FCHO2: variants seen among roughly 807,000 people sequenced by gnomAD.
The protein encoded by FCHO2 is FCH and mu domain containing endocytic adaptor 2.
A neutral mutation model predicts 114.1 loss-of-function variants in FCHO2; 43 were observed. That is an observed-to-expected ratio of 0.38 (90% CI 0.30 to 0.49). The LOEUF is 0.49. Ranked by LOEUF, FCHO2 falls within the 20% of genes least tolerant of loss-of-function variation. The pLI is 0.97. For synonymous variants in FCHO2, 293 were observed against 315.2 expected (o/e 0.93, Z 0.75); for missense variants, 807 against 950.4 (o/e 0.85, Z 1.98).
At chr5:73,002,369 A>G (rs1187021690) in intron 5 of FCHO2, among the ~76,000 whole-genome samples, 1 of 152,128 alleles carries the variant, frequency 6.6e-6, no homozygotes, top group African/African-American at 2.4e-5. Flanking sequence ...TTATAAAATA[A>G]TTTCTTTGTT....
chr5:72,993,497 G>A (rs1280605665), intron 5 of FCHO2, among the ~76,000 whole-genome samples: 1 of 152,116 alleles, frequency 6.6e-6, no homozygotes, highest in African/African-American at 2.4e-5. Flanking sequence ...CCCTCATATT[G>A]AAAGTACATT....
At chr5:73,015,340 G>C (rs1361999412) in intron 6 of FCHO2, among the ~76,000 whole-genome samples, 2 of 151,166 alleles carry the variant, frequency 1.3e-5, no homozygotes, top group African/African-American at 4.9e-5. Context: ...TGGGCTCACT[G>C]GAACCTCTGC....
chr5:72,992,811 G>A (rs574497160), intron 5 of FCHO2, among the ~76,000 whole-genome samples: 1 of 152,202 alleles, frequency 6.6e-6, no homozygotes, highest in South Asian at 2.1e-4. Context: ...GCCTTGGAGG[G>A]GTGGCAGGAG....
At chr5:73,022,960 T>G (rs1452418743) in intron 8 of FCHO2, among the ~76,000 whole-genome samples, 2 of 152,208 alleles carry the variant, frequency 1.3e-5, no homozygotes, top group African/African-American at 4.8e-5. Context: ...AACTTATTTT[T>G]TTTTTGTAGT....
At position 73,089,542 on chromosome 5, in the gene FCHO2, G is replaced by A. The variant is rs1348900751; in HGVS notation, c.*1452G>A. On this transcript the variant is annotated 3_prime_UTR_variant, in exon 26 of 26. Transcript: ENST00000430046. Reference sequence around the variant, plus strand: ...CTAAATAGTAAGAAACCTAACTTTAGTAGCAAATCTTGATTAATTGAAGAA... The same window carrying A: ...CTAAATAGTAAGAAACCTAACTTTAATAGCAAATCTTGATTAATTGAAGAA... The A allele has an allele frequency of 1.3e-5, 2 of 152,376 alleles. No homozygotes were observed. The highest frequency in any genetic ancestry group is 2.9e-5 in the Non-Finnish European group (2 of 67,904). The allele number at this position is 152,376 out of a possible 1,614,324, so 9.4% of individuals were successfully genotyped here. A position where few individuals can be genotyped will look rare whatever the true frequency, so the allele number is the denominator to read the frequency against.
In FCHO2 at chr5:73,051,397, A is replaced by G; in HGVS notation, c.988A>G (p.Asn330Asp). ...AGGCTACAGTATTAAACCAGAAACAAATCAGAATGATATCCTTTCATCATC... is the reference window on the plus strand; with the variant it reads ...AGGCTACAGTATTAAACCAGAAACAGATCAGAATGATATCCTTTCATCATC... ...EEGYSIKPET[N>D]QNDTKENHFY... The change falls in exon 12 of 26, where the codon AAT (asparagine) becomes GAT (aspartate). Residue 330 changes from asparagine (N) to aspartate (D), a missense_variant. Asn to Asp is a conservative substitution (Grantham distance 23). Coordinates refer to ENST00000430046, the MANE Select transcript of FCHO2 (RefSeq NM_138782.3). 1 of 1,526,572 alleles carries G rather than the reference A, an allele frequency of 6.6e-7. No individual in the cohort carries two copies. Among genetic ancestry groups the G allele is most frequent in the Non-Finnish European group, 8.9e-7 (1 of 1,127,058 alleles). 94.6% of individuals were successfully genotyped at this position (1,526,572 alleles called of 1,614,324 possible).
rs565201520 is a variant in FCHO2, at chr5:73,043,551, A to T, written c.939+2236A>T. Among the ~76,000 whole-genome samples, 41 of 152,272 alleles carry T rather than the reference A, an allele frequency of 2.7e-4. 1 individual carries two copies. In the South Asian group the frequency reaches 8.1e-3, roughly 30 times the overall value. On this transcript the variant is annotated intron_variant, in intron 11 of 25. Transcript: ENST00000430046. ...TATAGAAAGTGATAAATAGATATTT[A>T]TTTCAACATTGTTTATATTAGCAAA... is the stretch of plus-strand genomic sequence containing the variant.
At chr5:73,025,333 C>T (rs985416285) in intron 8 of FCHO2, among the ~76,000 whole-genome samples, 2 of 150,638 alleles carry the variant, frequency 1.3e-5, no homozygotes, top group Non-Finnish European at 2.9e-5. Context: ...CTCAGCCTCC[C>T]GAGTAGCTGG....
At position 73,051,396 on chromosome 5, in the gene FCHO2, A is replaced by G. The variant is rs7712838; in HGVS notation, c.987A>G (p.Thr329=). 455,331 of 1,512,444 alleles carry G rather than the reference A, an allele frequency of 0.3. 71,052 individuals carry two copies. The highest frequency in any genetic ancestry group is 0.41 in the East Asian group (16,690 of 40,250). The allele number at this position is 1,512,444 out of a possible 1,614,324, so 93.7% of individuals were successfully genotyped here. ...DEEGYSIKPE[T]NQNDTKENHF... Reference sequence around the variant, plus strand: ...AAGGCTACAGTATTAAACCAGAAACAAATCAGAATGATATCCTTTCATCAT... The same window carrying G: ...AAGGCTACAGTATTAAACCAGAAACGAATCAGAATGATATCCTTTCATCAT... Residue 329 remains threonine, a synonymous_variant, in exon 12 of 26, where the codon ACA becomes ACG. Transcript: ENST00000430046.
chr5:73,002,849 G>A (rs1754517610), intron 5 of FCHO2, among the ~76,000 whole-genome samples: 1 of 152,050 alleles, frequency 6.6e-6, no homozygotes, highest in Admixed American at 6.6e-5. Flanking sequence ...TTAGAGAGAG[G>A]GTTGAATGGT....
At chr5:73,083,457 T>C (rs1743190218) in intron 24 of FCHO2, among the ~76,000 whole-genome samples, 1 of 152,220 alleles carries the variant, frequency 6.6e-6, no homozygotes, top group Non-Finnish European at 1.5e-5. Context: ...CTATACCTAG[T>C]AAATTTAAAG....
At chr5:72,963,643 G>C (rs866190515) in intron 1 of FCHO2, among the ~76,000 whole-genome samples, 4 of 152,028 alleles carry the variant, frequency 2.6e-5, no homozygotes, top group Admixed American at 1.3e-4. Flanking sequence ...TGAACTCCTG[G>C]GCTCCAGGGA....
At chr5:73,009,737 A>G (rs1318344118) in intron 6 of FCHO2, among the ~76,000 whole-genome samples, 1 of 152,198 alleles carries the variant, frequency 6.6e-6, no homozygotes, top group Non-Finnish European at 1.5e-5. Context: ...GGGTTTCACC[A>G]TGTTGCCCAG....
In FCHO2 at chr5:73,058,450, T is replaced by C; in HGVS notation, c.1271T>C (p.Leu424Ser). The C allele has an allele frequency of 6.4e-7, 1 of 1,566,186 alleles. No homozygotes were observed. The highest frequency in any genetic ancestry group is 8.7e-7 in the Non-Finnish European group (1 of 1,154,648). ...APPNEKGTSD[L>S]LAWDPLFGPS... ...TATGGTAGAAAAGGAACCAGTGATT[T>C]ACTTGCTTGGGACCCCCTATTTGGA... The change falls in exon 17 of 26, where the codon TTA becomes TCA. Residue 424 changes from leucine to serine, a missense_variant. Physicochemically the swap from Leu to Ser is moderately radical, Grantham distance 145. Coordinates refer to ENST00000430046, the MANE Select transcript of FCHO2 (RefSeq NM_138782.3).
At chr5:73,066,575 C>CTTTTTTTTT (rs3054234) in intron 18 of FCHO2, among the ~76,000 whole-genome samples, 1 of 101,424 alleles carries the variant, frequency 9.9e-6, no homozygotes. Flanking sequence ...AGTGCCTTTT[C>CTTTTTTTTT]TTTTTTTTTT....
At chr5:72,989,574 G>A in intron 3 of FCHO2, 73 bp downstream of exon 3, 1 of 1,153,650 alleles carries the variant, frequency 8.7e-7, no homozygotes, top group Non-Finnish European at 1.3e-6. Flanking sequence ...TCCTTTTGAG[G>A]ACATAACAGT....
intron 6 of FCHO2, among the ~76,000 whole-genome samples, chr5:73,010,875 C>CAAAAAAAAAAAA (rs57820498): frequency 7.8e-5 from 2 of 25,736 alleles, no homozygotes; most frequent in African/African-American, 2.4e-4. Flanking sequence ...GACTCTGTCT[C>CAAAAAAAAAAAA]AAAAAAAAAA....
chr5:73,003,019 TTTTG>T (rs1754528340), intron 5 of FCHO2, among the ~76,000 whole-genome samples: 2 of 152,284 alleles, frequency 1.3e-5, no homozygotes, highest in South Asian at 4.1e-4. Context: ...ATATTTGTTT[TTTTG>T]TTTTTTGAGT....
At chr5:72,961,261 C>T (rs1751845135) in intron 1 of FCHO2, among the ~76,000 whole-genome samples, 1 of 152,030 alleles carries the variant, frequency 6.6e-6, no homozygotes, top group South Asian at 2.1e-4. Context: ...AGATGAGAGA[C>T]TAACACACAT....
Sources: gnomAD v4.1 joint callset for allele counts (sites outside exome capture counted in the v4.1 genomes callset) on GRCh38, gnomAD v4.1.1 for gene constraint, MANE v1.5 for transcripts, NCBI Gene and HGNC (gene_info 2026-07-23, HGNC 2026-07-21) for gene names.